The following RBM17 variants were observed in gnomAD, a reference collection of about 807,000 sequenced individuals.
RBM17 encodes the protein RNA binding motif protein 17.
In RBM17, 7 loss-of-function variants were observed where a neutral mutation model predicts 53.2. The ratio of observed to expected loss-of-function variants is 0.13; its 90% confidence interval spans 0.07 to 0.25. RBM17 has a LOEUF of 0.25. Ranked by LOEUF, RBM17 falls within the 10% of genes least tolerant of loss-of-function variation. The pLI is 1.00. For synonymous variants in RBM17, 167 were observed against 178.1 expected, an observed-to-expected ratio of 0.94 and a Z score of 0.50; for missense variants, 257 against 496.7, an observed-to-expected ratio of 0.52 and a Z score of 4.59.
chr10:6,090,993 G>A (rs1467426754), intron 1 of RBM17, among the ~76,000 whole-genome samples: 1 of 138,282 alleles, frequency 7.2e-6, no homozygotes, highest in Admixed American at 7.7e-5. Flanking sequence ...CCATATATAT[G>A]TATATAAATA....
chr10:6,090,924 T>C (rs1840472023), intron 1 of RBM17, among the ~76,000 whole-genome samples: 1 of 139,312 alleles, frequency 7.2e-6, no homozygotes, highest in Non-Finnish European at 1.5e-5. Context: ...CTTTTTAAGC[T>C]GTATTTTTTG....
intron 3 of RBM17, among the ~76,000 whole-genome samples, chr10:6,103,050 C>T (rs1368688188): frequency 1.3e-5 from 2 of 152,138 alleles, no homozygotes; most frequent in Non-Finnish European, 2.9e-5. Context: ...CCTTGGCCTC[C>T]GAAATTGCTG....
rs1176062063 is a variant in RBM17 at position 6,101,343 on chromosome 10, C to T, written c.196C>T (p.Arg66Trp). ...DLKRGGSSDDRQIVDTPPHVA... is the reference protein window; with the variant it reads ...DLKRGGSSDDWQIVDTPPHVA... The stretch of plus-strand genomic sequence containing the variant: ...GAAGCGAGGTGGCTCCTCAGATGAC[C>T]GGCAAATTGTGGACACTCCACCGCA... Residue 66 changes from arginine to tryptophan, a missense_variant, in exon 3 of 12, where the codon CGG (arginine) becomes TGG (tryptophan). By Grantham distance (101) the Arg-to-Trp change is moderately radical. Coordinates refer to ENST00000379888, the MANE Select transcript of RBM17 (RefSeq NM_032905.5). 2.3e-5 allele frequency: 37 copies of T among 1,613,556 alleles called. No homozygotes were observed. Among genetic ancestry groups the T allele is most frequent in the Non-Finnish European group, 2.8e-5 (33 of 1,179,928 alleles).
intron 1 of RBM17, among the ~76,000 whole-genome samples, chr10:6,093,622 A>G (rs1471361116): frequency 6.6e-6 from 1 of 152,244 alleles, no homozygotes; most frequent in African/African-American, 2.4e-5. Flanking sequence ...TTTAATGGGC[A>G]TTTGGTTAAC....
At chr10:6,098,563 G>GTCTTTTTT (rs1554834988) in intron 2 of RBM17, among the ~76,000 whole-genome samples, 6 of 46,642 alleles carry the variant, frequency 1.3e-4, no homozygotes, top group Admixed American at 2.6e-4. Context: ...CAGGTTTTTT[G>GTCTTTTTT]TTTTTTTTTT....
intron 10 of RBM17, chr10:6,115,032 T>G: frequency 1.7e-6 from 1 of 571,514 alleles, no homozygotes; most frequent in South Asian, 2.3e-5. Context: ...CCTGTGTTCC[T>G]GGCACCTAAC....
intron 3 of RBM17, among the ~76,000 whole-genome samples, chr10:6,103,039 G>A (rs952179035): frequency 6.6e-6 from 1 of 152,168 alleles, no homozygotes; most frequent in Admixed American, 6.5e-5. Flanking sequence ...CGATCCACAT[G>A]CCTTGGCCTC....
Position 6,098,561 on chromosome 10 carries a change from TTG to T in RBM17, c.123+1375_123+1376del, listed in dbSNP as rs770479740. ...AAAATTTCCGTAATACACAGGTTTT[TTG>T]TTTTTTTTTTTTTTTTTTTTTTTTT... is the stretch of plus-strand genomic sequence containing the variant. On this transcript the variant is annotated intron_variant, in intron 2 of 11. Transcript: ENST00000379888. 2.1e-3 allele frequency among the ~76,000 whole-genome samples: 74 copies of T among 35,054 alleles called. 5 individuals carry two copies. The highest frequency in any genetic ancestry group is 4.5e-3 in the African/African-American group (51 of 11,242). 23.0% of individuals were successfully genotyped at this position (35,054 alleles called of 152,430 possible).
chr10:6,115,188 T>C (rs1391013450), intron 10 of RBM17, 51 bp from the exon 11 acceptor site: 2 of 1,419,644 alleles, frequency 1.4e-6, no homozygotes, highest in Admixed American at 3.9e-5. Context: ...AGAAAACTCA[T>C]TCAATGCAAT....
chr10:6,110,345 A>G (rs1840819058), intron 7 of RBM17, among the ~76,000 whole-genome samples: 1 of 152,140 alleles, frequency 6.6e-6, no homozygotes, highest in African/African-American at 2.4e-5. Flanking sequence ...ACTCATTTTG[A>G]TGTTGAACAT....
At chr10:6,104,488 A>G (rs545335070) in intron 3 of RBM17, among the ~76,000 whole-genome samples, 3 of 152,238 alleles carry the variant, frequency 2.0e-5, no homozygotes, top group East Asian at 1.9e-4. Flanking sequence ...TCTCCATGTA[A>G]TCAGAATCTG....
At chr10:6,093,912 C>G (rs377694870) in intron 1 of RBM17, among the ~76,000 whole-genome samples, 1 of 150,738 alleles carries the variant, frequency 6.6e-6, no homozygotes, top group Admixed American at 6.6e-5. Flanking sequence ...TTTATGCATG[C>G]AAAAAGATTT....
At chr10:6,091,043 A>ATATATTTTTG (rs1378625626) in intron 1 of RBM17, among the ~76,000 whole-genome samples, 10 of 141,746 alleles carry the variant, frequency 7.1e-5, no homozygotes, top group African/African-American at 2.6e-4. Context: ...ATATATTTTT[A>ATATATTTTTG]TATATATATT....
chr10:6,100,420 T>C (rs1391277939), intron 2 of RBM17, among the ~76,000 whole-genome samples: 3 of 152,198 alleles, frequency 2.0e-5, no homozygotes, highest in Non-Finnish European at 4.4e-5. Flanking sequence ...AGCTTTACCC[T>C]GAATTCGATC....
At chr10:6,103,103 A>G (rs543892375) in intron 3 of RBM17, among the ~76,000 whole-genome samples, 5 of 152,264 alleles carry the variant, frequency 3.3e-5, no homozygotes, top group East Asian at 3.9e-4. Flanking sequence ...TCTAATGAAC[A>G]TCTTTACAGA....
chr10:6,090,523 G>T (rs1840466371), intron 1 of RBM17, among the ~76,000 whole-genome samples: 5 of 152,186 alleles, frequency 3.3e-5, no homozygotes, highest in Admixed American at 3.3e-4. Flanking sequence ...AGCCTTTCTG[G>T]AGGCTCTTGA....
In RBM17 at chr10:6,104,913, T is replaced by C; in HGVS notation, c.241-18T>C. Reference sequence around the variant, plus strand: ...AAGATATAAAGAGGATTCTTACTGCTGTTTTTACCTTCCTCAGGATCCTGT... The same window carrying C: ...AAGATATAAAGAGGATTCTTACTGCCGTTTTTACCTTCCTCAGGATCCTGT... On this transcript the variant is annotated intron_variant, in intron 3 of 11. Coordinates refer to ENST00000379888, the MANE Select transcript of RBM17 (RefSeq NM_032905.5). 7 of 1,610,142 alleles carry C rather than the reference T, an allele frequency of 4.3e-6. No individual in the cohort carries two copies. Among genetic ancestry groups the C allele is most frequent in the Non-Finnish European group, 5.9e-6 (7 of 1,177,380 alleles).
At chr10:6,110,980 TTATG>T (rs2132952900) in intron 7 of RBM17, among the ~76,000 whole-genome samples, 1 of 152,296 alleles carries the variant, frequency 6.6e-6, no homozygotes, top group African/African-American at 2.4e-5. Context: ...TTTTCCCTGT[TTATG>T]ATAAAAACTG....
chr10:6,098,655 A>AAGC (rs1299156424), intron 2 of RBM17, among the ~76,000 whole-genome samples: 1 of 134,042 alleles, frequency 7.5e-6, no homozygotes, highest in East Asian at 2.2e-4. Context: ...AGCTCACTGC[A>AAGC]AGCTCCGCCT....
Sources: gnomAD v4.1 joint callset for allele counts (sites outside exome capture counted in the v4.1 genomes callset) on GRCh38, gnomAD v4.1.1 for gene constraint, MANE v1.5 for transcripts, NCBI Gene and HGNC (gene_info 2026-07-23, HGNC 2026-07-21) for gene names.